Variants in CACNA1C observed in about 807,000 individuals in gnomAD.
CACNA1C encodes the protein voltage-dependent L-type calcium channel subunit alpha-1C.
In CACNA1C, 30 loss-of-function variants were observed where a neutral mutation model predicts 229.0. The ratio of observed to expected loss-of-function variants is 0.13; its 90% CI spans 0.10 to 0.18. CACNA1C has a LOEUF of 0.18. CACNA1C is among the 10% of genes least tolerant of loss of function. The pLI is 1.00. For missense variants in CACNA1C, 1,658 were observed against 2,845.0 expected, an observed-to-expected ratio of 0.58 and a Z score of 9.49; for synonymous variants, 1,114 against 1,132.5, an observed-to-expected ratio of 0.98 and a Z score of 0.33.
chr12:2,282,015 T>C (rs138825446), intron 3 of CACNA1C, among the ~76,000 whole-genome samples: 36 of 152,284 alleles, frequency 2.4e-4, no homozygotes, highest in Non-Finnish European at 5.1e-4. Flanking sequence ...ATACTATGTG[T>C]TTATGAATCT....
At chr12:2,369,267 A>G (rs536871284) in intron 3 of CACNA1C, among the ~76,000 whole-genome samples, 1 of 152,370 alleles carries the variant, frequency 6.6e-6, no homozygotes, top group African/African-American at 2.4e-5. Flanking sequence ...TCTCTAAAAA[A>G]TGAAACTAAT....
chr12:2,260,857 T>G (rs2079869751), intron 3 of CACNA1C, among the ~76,000 whole-genome samples: 3 of 152,206 alleles, frequency 2.0e-5, no homozygotes, highest in African/African-American at 7.2e-5. Context: ...CAATAACTAC[T>G]GAGAATCCCA....
intron 31 of CACNA1C, among the ~76,000 whole-genome samples, chr12:2,648,989 T>A (rs1418963870): frequency 6.6e-6 from 1 of 152,170 alleles, no homozygotes; most frequent in Admixed American, 6.5e-5. Context: ...CTAGCTTCCC[T>A]GTGCTTCAAG....
chr12:2,109,992 G>C (rs1212223043), intron 1 of CACNA1C, among the ~76,000 whole-genome samples: 1 of 152,206 alleles, frequency 6.6e-6, no homozygotes, highest in Admixed American at 6.5e-5. Flanking sequence ...TTAGCAAACT[G>C]TGTTGAGCAT....
At chr12:2,497,969 T>TCA (rs3058710) in intron 7 of CACNA1C, among the ~76,000 whole-genome samples, 6,459 of 143,956 alleles carry the variant, frequency 0.045, 162 homozygotes, top group Admixed American at 0.05. Context: ...TCTATTAAAT[T>TCA]CACACACACA....
At chr12:2,483,307 T>A (rs997197463) in intron 5 of CACNA1C, among the ~76,000 whole-genome samples, 1 of 152,206 alleles carries the variant, frequency 6.6e-6, no homozygotes, top group Non-Finnish European at 1.5e-5. Context: ...TGGGTGACTT[T>A]CAGCTACAAA....
intron 5 of CACNA1C, among the ~76,000 whole-genome samples, chr12:2,460,037 C>A (rs1247655824): frequency 6.6e-6 from 1 of 152,242 alleles, no homozygotes; most frequent in Non-Finnish European, 1.5e-5. Flanking sequence ...TGGCTCATGG[C>A]ACCTGAGGGT....
upstream of CACNA1C, among the ~76,000 whole-genome samples, chr12:2,048,161 T>C (rs1353654970): frequency 6.6e-6 from 1 of 152,176 alleles, no homozygotes; most frequent in Non-Finnish European, 1.5e-5. Context: ...CAAATACCTG[T>C]TGTGGACAAC....
At chr12:1,999,472 G>C (rs971991157) in intron 1 of CACNA1C, among the ~76,000 whole-genome samples, 3 of 152,188 alleles carry the variant, frequency 2.0e-5, no homozygotes, top group Admixed American at 1.3e-4. Flanking sequence ...AGCACTCTGG[G>C]AGGCTGAGGC....
chr12:2,342,157 A>G (rs1201793538), intron 3 of CACNA1C, among the ~76,000 whole-genome samples: 1 of 152,168 alleles, frequency 6.6e-6, no homozygotes, highest in Non-Finnish European at 1.5e-5. Context: ...GGCTCCCTTG[A>G]GCGGTGTCAC....
chr12:2,495,671 A>G (rs1283333076), intron 7 of CACNA1C, among the ~76,000 whole-genome samples: 3 of 152,224 alleles, frequency 2.0e-5, no homozygotes, highest in South Asian at 2.1e-4. Flanking sequence ...GGAGCGTGTG[A>G]TAGTGCTCAG....
At chr12:2,638,228 C>T (rs2093125835) in intron 30 of CACNA1C, among the ~76,000 whole-genome samples, 1 of 152,202 alleles carries the variant, frequency 6.6e-6, no homozygotes, top group South Asian at 2.1e-4. Context: ...GATAAGGGGG[C>T]TCCAAGGTGC....
intron 3 of CACNA1C, among the ~76,000 whole-genome samples, chr12:2,218,100 C>G (rs998730544): frequency 9.2e-5 from 14 of 152,198 alleles, no homozygotes; most frequent in Non-Finnish European, 8.8e-5. Context: ...CTTTCTCGGT[C>G]TCTGTTACTA....
intron 4 of CACNA1C, among the ~76,000 whole-genome samples, chr12:2,450,814 A>T (rs1039746545): frequency 2.0e-5 from 3 of 151,986 alleles, no homozygotes; most frequent in Non-Finnish European, 1.5e-5. Context: ...TTTTTGGAGG[A>T]TCCTTTTGTG....
At chr12:2,438,822 G>T (rs986441959) in intron 3 of CACNA1C, among the ~76,000 whole-genome samples, 2 of 152,110 alleles carry the variant, frequency 1.3e-5, no homozygotes, top group Non-Finnish European at 2.9e-5. Flanking sequence ...GAGAGGCCAT[G>T]GGGTGAGGCA....
At chr12:2,636,554 G>GT in intron 30 of CACNA1C, among the ~76,000 whole-genome samples, 1 of 152,118 alleles carries the variant, frequency 6.6e-6, no homozygotes, top group Non-Finnish European at 1.5e-5. Context: ...AATTTGACAG[G>GT]TAAGAATTCT....
At chr12:2,253,321 T>G (rs1045021163) in intron 3 of CACNA1C, among the ~76,000 whole-genome samples, 1 of 152,242 alleles carries the variant, frequency 6.6e-6, no homozygotes, top group African/African-American at 2.4e-5. Flanking sequence ...AATCAAGCTT[T>G]TGGTTTGATT....
At chr12:2,322,693 C>G (rs2096068649) in intron 3 of CACNA1C, among the ~76,000 whole-genome samples, 1 of 152,218 alleles carries the variant, frequency 6.6e-6, no homozygotes, top group Non-Finnish European at 1.5e-5. Flanking sequence ...TTTGTTGAGC[C>G]CCTTCTTACC....
At chr12:2,244,018 T>TTCCAGTTTCTC (rs2071845321) in intron 3 of CACNA1C, among the ~76,000 whole-genome samples, 1 of 152,214 alleles carries the variant, frequency 6.6e-6, no homozygotes, top group East Asian at 1.9e-4. Flanking sequence ...TGATGTGGAA[T>TTCCAGTTTCTC]TCCAGTTTCT....
Sources: gnomAD v4.1 joint callset for allele counts (sites outside exome capture counted in the v4.1 genomes callset) on GRCh38, gnomAD v4.1.1 for gene constraint, MANE v1.5 for transcripts, NCBI Gene and HGNC (gene_info 2026-07-23, HGNC 2026-07-21) for gene names.